DOP1A: variants seen among roughly 807,000 people sequenced by gnomAD.
The protein encoded by DOP1A is protein DOP1A.
In DOP1A, 90 loss-of-function variants were observed where a neutral mutation model predicts 267.6. The observed-to-expected ratio is 0.34, with a 90% CI of 0.28 to 0.40. The LOEUF (loss-of-function observed/expected upper bound fraction) is 0.40. DOP1A is among the 10% of genes least tolerant of loss of function. The probability of loss-of-function intolerance (pLI) is 1.00; values close to 1 mark genes in which losing one functional copy is unlikely to be tolerated. For synonymous variants in DOP1A, 932 were observed against 999.1 expected (o/e 0.93, Z 1.27); for missense variants, 2,437 against 2,900.4 (o/e 0.84, Z 3.67).
At chr6:83,127,116 T>C (rs1777303252) in intron 15 of DOP1A, among the ~76,000 whole-genome samples, 1 of 152,170 alleles carries the variant, frequency 6.6e-6, no homozygotes. Flanking sequence ...TGATCTTAGG[T>C]TCACATAGTG....
At chr6:83,131,591 T>G (rs1185446291) in intron 17 of DOP1A, among the ~76,000 whole-genome samples, 2 of 152,172 alleles carry the variant, frequency 1.3e-5, no homozygotes, top group African/African-American at 4.8e-5. Context: ...CTAGCATCAC[T>G]TTACTAAACA....
intron 1 of DOP1A, among the ~76,000 whole-genome samples, chr6:83,073,805 G>C (rs986019449): frequency 1.4e-4 from 21 of 152,170 alleles, no homozygotes; most frequent in African/African-American, 4.8e-4. Context: ...GGCTTTTAGA[G>C]GAATGATGTA....
At chr6:83,126,250 T>A (rs982872407) in intron 15 of DOP1A, among the ~76,000 whole-genome samples, 2 of 151,152 alleles carry the variant, frequency 1.3e-5, no homozygotes, top group African/African-American at 2.4e-5. Context: ...TAGGGAAGGG[T>A]AGGTATATGT....
At chr6:83,079,766 A>C (rs749215875) in intron 1 of DOP1A, among the ~76,000 whole-genome samples, 3 of 152,186 alleles carry the variant, frequency 2.0e-5, no homozygotes, top group Admixed American at 6.5e-5. Flanking sequence ...TTTAAGCAAA[A>C]TCATTGTCAT....
At chr6:83,114,710 C>T (rs961333502) in intron 7 of DOP1A, among the ~76,000 whole-genome samples, 9 of 152,104 alleles carry the variant, frequency 5.9e-5, no homozygotes, top group Non-Finnish European at 1.2e-4. Context: ...AATATATCAG[C>T]GTTTCCTAAG....
intron 30 of DOP1A, 160 bp from the exon 31 acceptor site, chr6:83,153,350 TG>T: frequency 2.2e-6 from 1 of 462,760 alleles, no homozygotes; most frequent in Non-Finnish European, 3.7e-6. Context: ...AAAAAGCAGA[TG>T]GTGGCAAAAC....
rs952839270 is a variant in DOP1A, at chr6:83,142,923, A to G, written c.5541+877A>G. Among the ~76,000 whole-genome samples the G allele has an allele frequency of 7.9e-5, 12 of 152,324 alleles. No individual in the cohort carries two copies. The East Asian group carries it at 2.1e-3, about 27-fold the overall frequency. ...ATAGTAAGGCTATTATATAACTTAC[A>G]TTTATATAAAATATATGATTTTTTC... On this transcript the variant is annotated intron_variant, in intron 24 of 38. Transcript: ENST00000349129.
intron 8 of DOP1A, 61 bp from the exon 9 acceptor site, chr6:83,119,687 T>G: frequency 7.0e-7 from 1 of 1,434,492 alleles, no homozygotes. Context: ...GTTTTGGTAT[T>G]TAGTGAACAA....
intron 1 of DOP1A, among the ~76,000 whole-genome samples, chr6:83,091,892 T>C (rs1216531126): frequency 6.6e-6 from 1 of 152,200 alleles, no homozygotes; most frequent in Non-Finnish European, 1.5e-5. Context: ...TTTTAGTTAT[T>C]TTATACGAAT....
intron 1 of DOP1A, among the ~76,000 whole-genome samples, chr6:83,085,901 T>C (rs1769130217): frequency 6.6e-6 from 1 of 152,120 alleles, no homozygotes. Context: ...ACATAATGTG[T>C]CTCTGGCTTC....
rs114593273 is a variant in DOP1A, at chr6:83,141,763, T to G, written c.5416-158T>G. Among the ~76,000 whole-genome samples the G allele has an allele frequency of 3.7e-3, 563 of 152,360 alleles. 4 individuals carry two copies. Among genetic ancestry groups the G allele is most frequent in the African/African-American group, 0.013 (539 of 41,600 alleles). ...TTTTTCTTTTAGAATTATAGTCATA[T>G]TGTAGCTCTTAACGTTATTAAAGTT... On this transcript the variant is annotated intron_variant, in intron 23 of 38. Coordinates refer to ENST00000349129, the MANE Select transcript of DOP1A (RefSeq NM_015018.4).
At chr6:83,131,602 C>A (rs1237848758) in intron 17 of DOP1A, among the ~76,000 whole-genome samples, 1 of 151,784 alleles carries the variant, frequency 6.6e-6, no homozygotes, top group African/African-American at 2.4e-5. Flanking sequence ...TTACTAAACA[C>A]CACTAAATAA....
At chr6:83,082,713 A>G (rs1486551244) in intron 1 of DOP1A, among the ~76,000 whole-genome samples, 1 of 152,216 alleles carries the variant, frequency 6.6e-6, no homozygotes, top group Non-Finnish European at 1.5e-5. Context: ...ACATTTAACC[A>G]TTACACAGTG....
In DOP1A at chr6:83,108,905, A is replaced by C; in HGVS notation, c.321-5A>C. 12 of 1,603,316 alleles carry C rather than the reference A, an allele frequency of 7.5e-6. No individual in the cohort carries two copies. The highest frequency in any genetic ancestry group is 1.0e-5 in the Non-Finnish European group (12 of 1,175,458). On this transcript the variant is annotated splice_region_variant and splice_polypyrimidine_tract_variant and intron_variant, in intron 4 of 38. Transcript: ENST00000349129. ...CCTTCTCCTTTGTCTTTATTTTTTT[A>C]ATAGTTCTGGATTATTTCCTCTTCT...
intron 6 of DOP1A, among the ~76,000 whole-genome samples, chr6:83,111,622 A>T (rs1365277664): frequency 6.6e-6 from 1 of 152,154 alleles, no homozygotes; most frequent in East Asian, 1.9e-4. Context: ...CCTAAAGACT[A>T]ACGATGAACA....
At chr6:83,155,460 T>C (rs1397303967) in intron 33 of DOP1A, among the ~76,000 whole-genome samples, 1 of 152,008 alleles carries the variant, frequency 6.6e-6, no homozygotes, top group Non-Finnish European at 1.5e-5. Context: ...AGATACCATC[T>C]CAAAGAAAAA....
At position 83,138,886 on chromosome 6, in the gene DOP1A, A is replaced by G. The variant is rs200094217; in HGVS notation, c.4844A>G (p.Glu1615Gly). The G allele has an allele frequency of 1.1e-4, 183 of 1,613,952 alleles. No individual in the cohort carries two copies. Among genetic ancestry groups the G allele is most frequent in the Non-Finnish European group, 1.5e-4 (179 of 1,179,972 alleles). ...TGFDFVVSDL[E>G]HISPHQPMTS... The stretch of plus-strand genomic sequence containing the variant: ...TTTGATTTTGTTGTATCTGACTTAG[A>G]ACACATCAGTCCCCATCAACCCATG... The change falls in exon 21 of 39, where the codon GAA becomes GGA. Residue 1615 changes from glutamate to glycine, a missense_variant. This residue lies in a region of DOP1A where 878 missense variants were observed against 992.9 expected (regional missense o/e 0.88). Coordinates refer to ENST00000349129, the MANE Select transcript of DOP1A (RefSeq NM_015018.4).
intron 1 of DOP1A, among the ~76,000 whole-genome samples, chr6:83,091,833 A>G (rs1318462897): frequency 6.6e-6 from 1 of 152,250 alleles, no homozygotes; most frequent in Non-Finnish European, 1.5e-5. Context: ...GATAAAATTT[A>G]TGCGTGTGTT....
rs960376860 is a variant in DOP1A, at chr6:83,122,851, C to G, written c.1221-12C>G. 2 of 1,443,078 alleles carry G rather than the reference C, an allele frequency of 1.4e-6. No homozygotes were observed. Among genetic ancestry groups the G allele is most frequent in the East Asian group, 2.7e-5 (1 of 37,378 alleles). The allele number at this position is 1,443,078 out of a possible 1,614,324, so 89.4% of individuals were successfully genotyped here. A position where few individuals can be genotyped will look rare whatever the true frequency, so the allele number is the denominator to read the frequency against. On this transcript the variant is annotated splice_polypyrimidine_tract_variant and intron_variant, in intron 11 of 38. Transcript: ENST00000349129. ...TATTTTTTAGTTTTTGTTTTCTTTT[C>G]TCTTTTTTCAGTAAATTAAGAGAAA...
Sources: gnomAD v4.1 joint callset for allele counts (sites outside exome capture counted in the v4.1 genomes callset) on GRCh38, gnomAD v4.1.1 for gene constraint, gnomAD v4.1.1 regional missense constraint, MANE v1.5 for transcripts, NCBI Gene and HGNC (gene_info 2026-07-23, HGNC 2026-07-21) for gene names.